GCNT1: variants seen among roughly 807,000 people sequenced by gnomAD.
The protein encoded by GCNT1 is beta-1,3-galactosyl-O-glycosyl-glycoprotein beta-1,6-N-acetylglucosaminyltransferase.
Under a neutral mutation model 26.2 loss-of-function variants are expected in GCNT1, and 16 were observed. The ratio of observed to expected loss-of-function variants is 0.61; its 90% CI spans 0.41 to 0.93. The LOEUF (loss-of-function observed/expected upper bound fraction) is 0.93. GCNT1 is among the 40% of genes least tolerant of loss of function. The probability of loss-of-function intolerance (pLI) is 0.00; values close to 1 mark genes in which losing one functional copy is unlikely to be tolerated. For synonymous variants in GCNT1, 183 were observed against 190.8 expected (o/e 0.96, Z 0.34); for missense variants, 477 against 526.7 (o/e 0.91, Z 0.92).
intron 1 of GCNT1, among the ~76,000 whole-genome samples, chr9:76,430,019 C>T (rs1341891978): frequency 6.6e-6 from 1 of 152,106 alleles, no homozygotes; most frequent in Non-Finnish European, 1.5e-5. Context: ...CAGCCTCAAG[C>T]CTCTATTTTC....
At chr9:76,485,221 G>A (rs998919011) in intron 2 of GCNT1, among the ~76,000 whole-genome samples, 3 of 152,158 alleles carry the variant, frequency 2.0e-5, no homozygotes, top group African/African-American at 7.2e-5. Context: ...CACCCAGGCT[G>A]GAGTGCAGTG....
In GCNT1 at chr9:76,423,198, A is replaced by T. The variant is rs139296810; in HGVS notation, n.38+3311A>T. 2.7e-4 allele frequency among the ~76,000 whole-genome samples: 41 copies of T among 152,278 alleles called. No individual in the cohort carries two copies. In the East Asian group the frequency reaches 7.7e-3, roughly 29 times the overall value. ...TTAGGCATCATGTTTTCCTCCTTGG[A>T]GGTTGCCGTGGTTTAAATGTGTCCC... On this transcript the variant is annotated intron_variant and non_coding_transcript_variant, in intron 1 of 3. Transcript: ENST00000488136.
intron 2 of GCNT1, among the ~76,000 whole-genome samples, chr9:76,481,040 A>T (rs1333550314): frequency 6.6e-6 from 1 of 152,106 alleles, no homozygotes; most frequent in Non-Finnish European, 1.5e-5. Flanking sequence ...GGAGTTCGAA[A>T]CCAGCCTGGC....
At chr9:76,437,364 C>G (rs946096457), upstream of GCNT1, among the ~76,000 whole-genome samples, 1 of 152,132 alleles carries the variant, frequency 6.6e-6, no homozygotes, top group Admixed American at 6.5e-5. Context: ...CAAACCCCAC[C>G]AAAACCAAGA....
upstream of GCNT1, among the ~76,000 whole-genome samples, chr9:76,454,846 T>C (rs980802792): frequency 2.2e-5 from 3 of 136,694 alleles, no homozygotes; most frequent in South Asian, 2.4e-4. Flanking sequence ...TCTTTTCTTT[T>C]TTTTTTTTTT....
At chr9:76,456,677 A>G (rs1242347686), upstream of GCNT1, among the ~76,000 whole-genome samples, 2 of 152,234 alleles carry the variant, frequency 1.3e-5, no homozygotes, top group Non-Finnish European at 2.9e-5. Context: ...TATTGCAGGC[A>G]TTAAAAATAA....
chr9:76,428,969 G>A (rs1823297400), intron 1 of GCNT1, among the ~76,000 whole-genome samples: 1 of 151,968 alleles, frequency 6.6e-6, no homozygotes, highest in South Asian at 2.1e-4. Flanking sequence ...CAAAGTGTTG[G>A]GATTACAGGC....
At chr9:76,411,933 C>T in the GCNT1 span, among the ~76,000 whole-genome samples, 1 of 151,946 alleles carries the variant, frequency 6.6e-6, no homozygotes, top group African/African-American at 2.4e-5. Context: ...AACTCCTGGC[C>T]TCCAGTGATC....
At chr9:76,403,819 A>G in the GCNT1 span, among the ~76,000 whole-genome samples, 1 of 152,368 alleles carries the variant, frequency 6.6e-6, no homozygotes, top group Admixed American at 6.5e-5. Context: ...GGAGGAGAAG[A>G]GCACCTAGAA....
intron 1 of GCNT1, chr9:76,420,669 C>T (rs1156234372): frequency 7.9e-5 from 12 of 152,204 alleles, no homozygotes; most frequent in Non-Finnish European, 1.8e-4. Flanking sequence ...TGTGGTGGCT[C>T]ACACCTGTAA....
chr9:76,490,027 G>A (rs533856787), intron 2 of GCNT1, among the ~76,000 whole-genome samples: 29 of 152,320 alleles, frequency 1.9e-4, no homozygotes, highest in African/African-American at 6.3e-4. Flanking sequence ...TACAGGGCCC[G>A]AAGGCAAGTA....
chr9:76,499,294 AT>A (rs1363103685), intron 2 of GCNT1, among the ~76,000 whole-genome samples: 2 of 151,972 alleles, frequency 1.3e-5, no homozygotes, highest in Non-Finnish European at 2.9e-5. Context: ...CGCCCGGCTA[AT>A]TTTTGTATTT....
At chr9:76,479,104 G>A (rs910521025) in intron 2 of GCNT1, among the ~76,000 whole-genome samples, 14 of 151,904 alleles carry the variant, frequency 9.2e-5, no homozygotes, top group African/African-American at 2.7e-4. Flanking sequence ...GAGAACATGC[G>A]ATGTTTGGTT....
intron 1 of GCNT1, among the ~76,000 whole-genome samples, chr9:76,431,333 T>A (rs995595307): frequency 1.7e-4 from 26 of 152,214 alleles, no homozygotes; most frequent in African/African-American, 6.3e-4. Context: ...ATCCATACTC[T>A]GACCTACTCG....
intron 1 of GCNT1, among the ~76,000 whole-genome samples, chr9:76,453,058 A>G (rs1190526602): frequency 1.3e-5 from 2 of 152,222 alleles, no homozygotes; most frequent in Admixed American, 6.5e-5. Context: ...TCTGCCTGGC[A>G]TGCAATAACC....
At chr9:76,478,122 A>T (rs149138639) in intron 2 of GCNT1, among the ~76,000 whole-genome samples, 12 of 152,320 alleles carry the variant, frequency 7.9e-5, no homozygotes, top group South Asian at 2.1e-4. Context: ...GTGGGTGGGG[A>T]CAAATAAAGG....
intron 1 of GCNT1, among the ~76,000 whole-genome samples, chr9:76,435,784 G>T (rs551664788): frequency 6.6e-6 from 1 of 152,186 alleles, no homozygotes; most frequent in South Asian, 2.1e-4. Flanking sequence ...ATATGAATTT[G>T]GGGAGGGACA....
At chr9:76,424,359 G>T (rs1823234331) in intron 1 of GCNT1, among the ~76,000 whole-genome samples, 1 of 152,158 alleles carries the variant, frequency 6.6e-6, no homozygotes, top group South Asian at 2.1e-4. Context: ...TGCCTCTCCA[G>T]CTTCCACTAC....
chr9:76,502,203 ATT>A (rs2131644631), intron 3 of GCNT1, 34 bp from the exon 4 acceptor site: 2 of 207,488 alleles, frequency 9.6e-6, no homozygotes, highest in Non-Finnish European at 1.8e-5. Flanking sequence ...ATATATATAT[ATT>A]TATTTATATT....
Sources: gnomAD v4.1 joint callset for allele counts (sites outside exome capture counted in the v4.1 genomes callset) on GRCh38, gnomAD v4.1.1 for gene constraint, MANE v1.5 for transcripts, NCBI Gene and HGNC (gene_info 2026-07-23, HGNC 2026-07-21) for gene names.